TNR: variants seen among roughly 807,000 people sequenced by gnomAD.
TNR encodes tenascin R, also known as tenascin-R.
Under a neutral mutation model 150.4 loss-of-function variants are expected in TNR, and 45 were observed. The observed-to-expected ratio is 0.30, with a 90% confidence interval of 0.24 to 0.38. The LOEUF (loss-of-function observed/expected upper bound fraction) is 0.38, where lower values mean the gene tolerates loss of function less well. Ranked by LOEUF, TNR falls within the 10% of genes least tolerant of loss-of-function variation. The pLI, the probability that TNR is intolerant of heterozygous loss-of-function variation, is 1.00. For synonymous variants in TNR, 687 were observed against 678.4 expected (o/e 1.01, Z -0.20); for missense variants, 1,544 against 1,759.1 (o/e 0.88, Z 2.19).
rs190091078 is a variant in TNR, at chr1:175,623,573, A to T, written c.-164-95204T>A. 3.7e-3 allele frequency among the ~76,000 whole-genome samples: 561 copies of T among 152,294 alleles called. 4 individuals carry two copies. The highest frequency in any genetic ancestry group is 0.013 in the African/African-American group (534 of 41,554). On this transcript the variant is annotated intron_variant, in intron 1 of 22. Coordinates refer to ENST00000367674, the MANE Select transcript of TNR (RefSeq NM_003285.3). ...TCAAGCCCCGTGGGACACCCACACT[A>T]ACCTCTACCTAACCAGGCTTTCTTC...
chr1:175,679,697 C>T (rs1665972513), intron 1 of TNR, among the ~76,000 whole-genome samples: 1 of 152,120 alleles, frequency 6.6e-6, no homozygotes, highest in South Asian at 2.1e-4. Context: ...TCAAGACTGT[C>T]CATGAGAAGG....
chr1:175,543,929 T>C (rs570385776), intron 1 of TNR, among the ~76,000 whole-genome samples: 1 of 151,948 alleles, frequency 6.6e-6, no homozygotes, highest in Non-Finnish European at 1.5e-5. Flanking sequence ...AAAAGAGCAT[T>C]TGGGCAGAGA....
intron 2 of TNR, among the ~76,000 whole-genome samples, chr1:175,524,656 A>G (rs1033084815): frequency 6.6e-6 from 1 of 152,178 alleles, no homozygotes; most frequent in African/African-American, 2.4e-5. Flanking sequence ...GCACAGAAGC[A>G]TTCTGAGAAG....
chr1:175,544,077 G>A (rs552666351), intron 1 of TNR, among the ~76,000 whole-genome samples: 1 of 152,184 alleles, frequency 6.6e-6, no homozygotes. Flanking sequence ...GCAAGGTTTG[G>A]TTATGAAAAA....
chr1:175,433,115 A>G (rs1385542), intron 2 of TNR, among the ~76,000 whole-genome samples: 75,946 of 151,970 alleles, frequency 0.5, 20,115 homozygotes, highest in African/African-American at 0.67. Flanking sequence ...ACAATCAGAG[A>G]AGTAGAGAGA....
At chr1:175,575,844 T>G (rs1423804846) in intron 1 of TNR, among the ~76,000 whole-genome samples, 2 of 152,184 alleles carry the variant, frequency 1.3e-5, no homozygotes, top group East Asian at 3.9e-4. Flanking sequence ...TGGTGGGGAC[T>G]GCACTGCTAA....
intron 2 of TNR, among the ~76,000 whole-genome samples, chr1:175,517,016 AGAGAGAG>A (rs1659435135): frequency 1.8e-4 from 1 of 5,586 alleles, no homozygotes; most frequent in Non-Finnish European, 6.5e-4. Context: ...GAAAGCTGAG[AGAGAGAG>A]AGAGAGAGAG....
chr1:175,393,147 A>G (rs760723445), intron 6 of TNR, among the ~76,000 whole-genome samples: 1 of 152,216 alleles, frequency 6.6e-6, no homozygotes, highest in Non-Finnish European at 1.5e-5. Context: ...GGCAATTCGG[A>G]AAAGTTAGTT....
chr1:175,486,121 C>CT lies in TNR; in HGVS notation c.-64+42147dup, dbSNP rs35730425. 5.9e-4 allele frequency among the ~76,000 whole-genome samples: 86 copies of CT among 145,202 alleles called. 1 individual carries two copies. The highest frequency in any genetic ancestry group is 3.7e-3 in the Middle Eastern group (1 of 268). On this transcript the variant is annotated intron_variant, in intron 2 of 22. Transcript: ENST00000367674. The stretch of plus-strand genomic sequence containing the variant: ...ACCTCAGAACATCAAGCATTAGGTT[C>CT]TTTTTTTTTTTTTTAGATTATACTT...
chr1:175,366,500 T>C (rs531930367), intron 10 of TNR, among the ~76,000 whole-genome samples: 1 of 152,342 alleles, frequency 6.6e-6, no homozygotes, highest in Admixed American at 6.5e-5. Flanking sequence ...GGATATGCCA[T>C]TCCTGGCAAC....
At chr1:175,701,460 C>T in intron 1 of TNR, among the ~76,000 whole-genome samples, 1 of 152,238 alleles carries the variant, frequency 6.6e-6, no homozygotes, top group East Asian at 1.9e-4. Context: ...CTTAGTCCAA[C>T]AAGTCCTTGG....
intron 1 of TNR, among the ~76,000 whole-genome samples, chr1:175,708,733 G>A (rs894022137): frequency 2.6e-5 from 4 of 152,114 alleles, no homozygotes; most frequent in Admixed American, 6.5e-5. Flanking sequence ...AACACACTTC[G>A]GGCCTTAAGA....
chr1:175,491,939 C>T (rs907035200), intron 2 of TNR, among the ~76,000 whole-genome samples: 8 of 150,344 alleles, frequency 5.3e-5, no homozygotes, highest in African/African-American at 1.5e-4. Flanking sequence ...TGAGCCACCA[C>T]GCCCAGCCAG....
intron 2 of TNR, among the ~76,000 whole-genome samples, chr1:175,429,585 A>G (rs941792544): frequency 6.6e-6 from 1 of 152,264 alleles, no homozygotes; most frequent in Non-Finnish European, 1.5e-5. Flanking sequence ...TGAATTTGGC[A>G]TGCAGAGAAT....
intron 2 of TNR, among the ~76,000 whole-genome samples, chr1:175,415,929 G>C (rs1225346027): frequency 6.6e-6 from 1 of 152,092 alleles, no homozygotes; most frequent in Non-Finnish European, 1.5e-5. Context: ...CTTACTGCTG[G>C]GGGTGGGGGC....
chr1:175,396,176 G>A (rs2301431), intron 5 of TNR, among the ~76,000 whole-genome samples: 30,679 of 152,092 alleles, frequency 0.2, 3,192 homozygotes, highest in Middle Eastern at 0.29. Context: ...GCTTCTTAGA[G>A]GTCCTAGTTC....
At chr1:175,483,396 G>A (rs150658339) in intron 2 of TNR, among the ~76,000 whole-genome samples, 158 of 152,326 alleles carry the variant, frequency 1.0e-3, no homozygotes, top group African/African-American at 3.6e-3. Flanking sequence ...GGCACTGTAA[G>A]AGCAGGTGGG....
At chr1:175,685,803 T>G (rs951095169) in intron 1 of TNR, among the ~76,000 whole-genome samples, 1 of 151,902 alleles carries the variant, frequency 6.6e-6, no homozygotes, top group Non-Finnish European at 1.5e-5. Context: ...CATTGGGAAA[T>G]AGCTAACATT....
At chr1:175,404,125 C>T (rs1054711334) in intron 3 of TNR, among the ~76,000 whole-genome samples, 3 of 152,086 alleles carry the variant, frequency 2.0e-5, no homozygotes, top group Non-Finnish European at 4.4e-5. Flanking sequence ...CATGCGAATC[C>T]CCCAGCCCCT....
Sources: gnomAD v4.1 joint callset for allele counts (sites outside exome capture counted in the v4.1 genomes callset) on GRCh38, gnomAD v4.1.1 for gene constraint, MANE v1.5 for transcripts, NCBI Gene and HGNC (gene_info 2026-07-23, HGNC 2026-07-21) for gene names.